Variants in IQCE observed in about 807,000 individuals in gnomAD.
IQCE encodes IQ domain-containing protein E.
IQCE carries 115 observed loss-of-function variants against 96.0 expected under a neutral mutation model. The observed-to-expected ratio is 1.20, with a 90% CI of 1.03 to 1.40. IQCE has a LOEUF of 1.40. IQCE is among the 40% of genes most tolerant of loss of function. IQCE has a pLI of 0.00. For synonymous variants in IQCE, 412 were observed against 371.2 expected, an observed-to-expected ratio of 1.11 and a Z score of -1.26; for missense variants, 1,041 against 909.1, an observed-to-expected ratio of 1.15 and a Z score of -1.87.
At position 2,559,090 on chromosome 7, in the gene IQCE, C is replaced by A. The variant is rs368675619; in HGVS notation, c.-92C>A. Reference sequence around the variant, plus strand: ...CGCGGGCCGGCGCCAGGGAAGGCCCCGAGGCTGCGGGCGGCCAGGGCTGCC... The same window carrying A: ...CGCGGGCCGGCGCCAGGGAAGGCCCAGAGGCTGCGGGCGGCCAGGGCTGCC... On this transcript the variant is annotated 5_prime_UTR_variant, in exon 1 of 22. Coordinates refer to ENST00000402050, the MANE Select transcript of IQCE (RefSeq NM_152558.5). 7.8e-6 allele frequency: 6 copies of A among 765,460 alleles called. No individual in the cohort carries two copies. The highest frequency in any genetic ancestry group is 4.6e-5 in the Admixed American group (1 of 21,864). The allele number at this position is 765,460 out of a possible 1,614,324, so 47.4% of individuals were successfully genotyped here.
chr7:2,596,314 GGAGAGAGAGA>G (rs140066878), intron 16 of IQCE, among the ~76,000 whole-genome samples: 7 of 148,092 alleles, frequency 4.7e-5, no homozygotes, highest in South Asian at 2.1e-4. Flanking sequence ...TGAAAATAGA[GGAGAGAGAGA>G]GAGAGAGAGA....
chr7:2,561,055 T>A (rs527711972), intron 1 of IQCE, among the ~76,000 whole-genome samples: 1 of 149,852 alleles, frequency 6.7e-6, no homozygotes, highest in Non-Finnish European at 1.5e-5. Flanking sequence ...CCTCCCAGGT[T>A]CAAAGGATTC....
At chr7:2,589,387 A>G (rs773385357) in intron 13 of IQCE, among the ~76,000 whole-genome samples, 5 of 152,130 alleles carry the variant, frequency 3.3e-5, no homozygotes, top group Non-Finnish European at 7.4e-5. Flanking sequence ...GGTTCTATAA[A>G]TTGTGGGCAT....
At chr7:2,603,581 G>A (rs982939919) in intron 18 of IQCE, among the ~76,000 whole-genome samples, 11 of 152,308 alleles carry the variant, frequency 7.2e-5, no homozygotes, top group East Asian at 3.9e-4. Context: ...CAGTGTGTGC[G>A]CAGTGTGTGG....
At chr7:2,586,554 C>T (rs563504219) in intron 12 of IQCE, among the ~76,000 whole-genome samples, 183 bp downstream of exon 12, 1 of 152,328 alleles carries the variant, frequency 6.6e-6, no homozygotes, top group South Asian at 2.1e-4. Context: ...GGGGATGGAG[C>T]CGCAAACAGA....
rs146677269 is a variant in IQCE at position 2,601,178 on chromosome 7, C to T, written c.1609-263C>T. On this transcript the variant is annotated intron_variant, in intron 17 of 21. Transcript: ENST00000402050. ...GCACAGCCAGGGGACTGGCACACGG[C>T]ACAGAGACGTCCCTTCATCTGCAGC... is the stretch of plus-strand genomic sequence containing the variant. 1.1e-4 allele frequency among the ~76,000 whole-genome samples: 17 copies of T among 152,346 alleles called. No homozygotes were observed. The East Asian group carries it at 3.1e-3, about 28-fold the overall frequency.
intron 5 of IQCE, among the ~76,000 whole-genome samples, chr7:2,573,081 G>A (rs560290293): frequency 6.6e-6 from 1 of 152,166 alleles, no homozygotes; most frequent in Non-Finnish European, 1.5e-5. Context: ...CATTTTTTGT[G>A]TTTGGTATTT....
At chr7:2,607,856 G>A (rs1784941876) in intron 21 of IQCE, among the ~76,000 whole-genome samples, 1 of 152,224 alleles carries the variant, frequency 6.6e-6, no homozygotes, top group South Asian at 2.1e-4. Flanking sequence ...GAAGATGAGT[G>A]CGGAGGCACG....
chr7:2,575,212 G>A (rs1782028400), intron 6 of IQCE, among the ~76,000 whole-genome samples: 1 of 152,222 alleles, frequency 6.6e-6, no homozygotes, highest in Non-Finnish European at 1.5e-5. Flanking sequence ...GTTGTGGCAG[G>A]CCTCCTTTCA....
intron 20 of IQCE, among the ~76,000 whole-genome samples, chr7:2,606,635 C>T (rs549846875): frequency 6.6e-6 from 1 of 152,134 alleles, no homozygotes; most frequent in Non-Finnish European, 1.5e-5. Context: ...CGCGGCCACC[C>T]AGCACTTCCG....
chr7:2,560,628 TTATG>T (rs1292255155), intron 1 of IQCE, among the ~76,000 whole-genome samples: 2 of 152,102 alleles, frequency 1.3e-5, no homozygotes, highest in Admixed American at 1.3e-4. Flanking sequence ...TAAAAATAAT[TTATG>T]TATATTATTT....
intron 12 of IQCE, among the ~76,000 whole-genome samples, chr7:2,586,980 G>A (rs1783172665): frequency 6.6e-6 from 1 of 152,222 alleles, no homozygotes; most frequent in African/African-American, 2.4e-5. Context: ...CAGAGATGGG[G>A]ATGGTGGCAG....
At chr7:2,580,641 G>T (rs1331342795) in intron 8 of IQCE, among the ~76,000 whole-genome samples, 3 of 152,186 alleles carry the variant, frequency 2.0e-5, no homozygotes, top group African/African-American at 7.2e-5. Context: ...ATCAATAGAG[G>T]CTGGATAGAG....
chr7:2,607,147 C>T lies in IQCE; in HGVS notation c.1889C>T (p.Thr630Ile). The T allele has an allele frequency of 6.2e-7, 1 of 1,608,954 alleles. No individual in the cohort carries two copies. The highest frequency in any genetic ancestry group is 8.5e-7 in the Non-Finnish European group (1 of 1,178,046). ...RHSATGKRTT[T>I]AASTRRRSAS... ...AGTGCTACCGGTAAAAGAACCACCA[C>T]CGCAGCTTCTACCAGGAGGAGATCG... Residue 630 changes from threonine to isoleucine, a missense_variant, in exon 21 of 22, where the codon ACC becomes ATC. Coordinates refer to ENST00000402050, the MANE Select transcript of IQCE (RefSeq NM_152558.5).
At position 2,593,082 on chromosome 7, in the gene IQCE, G is replaced by A. The variant is rs1311805461; in HGVS notation, c.1305G>A (p.Ala435=). 4.3e-6 allele frequency: 7 copies of A among 1,612,760 alleles called. No homozygotes were observed. Among genetic ancestry groups the A allele is most frequent in the East Asian group, 2.2e-5 (1 of 44,880 alleles). ...KADLEKELEC[A]REGEEERRER... ...ACCTGGAGAAGGAGCTGGAGTGCGCGAGGGAGGGCGAGGAGGAGAGGAGAG... is the reference window on the plus strand; with the variant it reads ...ACCTGGAGAAGGAGCTGGAGTGCGCAAGGGAGGGCGAGGAGGAGAGGAGAG... Residue 435 remains alanine, a synonymous_variant, in exon 15 of 22, where the codon GCG becomes GCA. Transcript: ENST00000402050.
intron 12 of IQCE, among the ~76,000 whole-genome samples, chr7:2,586,978 G>A (rs1783172492): frequency 6.6e-6 from 1 of 152,216 alleles, no homozygotes; most frequent in Non-Finnish European, 1.5e-5. Flanking sequence ...TGCAGAGATG[G>A]GGATGGTGGC....
chr7:2,603,423 C>A (rs531480951), intron 18 of IQCE, among the ~76,000 whole-genome samples: 1 of 152,180 alleles, frequency 6.6e-6, no homozygotes, highest in Non-Finnish European at 1.5e-5. Flanking sequence ...GGGATCCGGG[C>A]TCCTTGTCCG....
chr7:2,578,363 C>T lies in IQCE; in HGVS notation c.579+8C>T, dbSNP rs766887256. On this transcript the variant is annotated splice_region_variant and intron_variant, in intron 7 of 21. Coordinates refer to ENST00000402050, the MANE Select transcript of IQCE (RefSeq NM_152558.5). ...CTCCTGGATCCCAGCCGCGTAAGCT[C>T]CTGGCGCTTCACGGACGGGGCAAGG... The T allele has an allele frequency of 6.8e-6, 11 of 1,613,300 alleles. No homozygotes were observed. Among genetic ancestry groups the T allele is most frequent in the Non-Finnish European group, 9.3e-6 (11 of 1,179,260 alleles).
At chr7:2,602,553 A>T (rs4719597) in intron 18 of IQCE, among the ~76,000 whole-genome samples, 18 of 152,002 alleles carry the variant, frequency 1.2e-4, no homozygotes, top group Non-Finnish European at 1.6e-4. Context: ...AGCTGCTTCT[A>T]AGTGGCAGGG....
Sources: gnomAD v4.1 joint callset for allele counts (sites outside exome capture counted in the v4.1 genomes callset) on GRCh38, gnomAD v4.1.1 for gene constraint, MANE v1.5 for transcripts, NCBI Gene and HGNC (gene_info 2026-07-23, HGNC 2026-07-21) for gene names.